The following CEP350 variants were observed in gnomAD, a reference collection of about 807,000 sequenced individuals.
The protein encoded by CEP350 is centrosome-associated protein 350.
A neutral mutation model predicts 331.8 loss-of-function variants in CEP350; 126 were observed. The ratio of observed to expected loss-of-function variants is 0.38; its 90% CI spans 0.33 to 0.44. The LOEUF (loss-of-function observed/expected upper bound fraction) is 0.44, where lower values mean the gene tolerates loss of function less well. CEP350 is among the 20% of genes least tolerant of loss of function. The pLI, the probability that CEP350 is intolerant of heterozygous loss-of-function variation, is 1.00. For synonymous variants in CEP350, 1,200 were observed against 1,259.5 expected, an observed-to-expected ratio of 0.95 and a Z score of 1.00; for missense variants, 3,406 against 3,634.6, an observed-to-expected ratio of 0.94 and a Z score of 1.62.
At chr1:180,109,915 G>A (rs892197460) in intron 37 of CEP350, among the ~76,000 whole-genome samples, 12 of 152,022 alleles carry the variant, frequency 7.9e-5, no homozygotes, top group African/African-American at 2.4e-4. Context: ...GATTACAGGC[G>A]TGAGCCACCG....
intron 8 of CEP350, among the ~76,000 whole-genome samples, chr1:180,010,404 C>CTTTTTTTTTTTTTTTTTTT (rs60408983): frequency 8.3e-6 from 1 of 119,812 alleles, no homozygotes. Flanking sequence ...CCCATGTTTG[C>CTTTTTTTTTTTTTTTTTTT]TTTTTTTTTT....
At position 180,011,877 on chromosome 1, in the gene CEP350, C is replaced by T. The variant is rs1240735843; in HGVS notation, c.1247-52C>T. The T allele has an allele frequency of 1.0e-5, 13 of 1,268,164 alleles. No homozygotes were observed. The East Asian group carries it at 2.5e-4, about 24-fold the overall frequency. The allele number at this position is 1,268,164 out of a possible 1,614,324, so 78.6% of individuals were successfully genotyped here. A position where few individuals can be genotyped will look rare whatever the true frequency, so the allele number is the denominator to read the frequency against. ...AAACCTGTATGGTTGAGTAGATACA[C>T]TTCTTACAATTAAAATTTAAGTTTT... On this transcript the variant is annotated intron_variant, in intron 8 of 37. Coordinates refer to ENST00000367607, the MANE Select transcript of CEP350 (RefSeq NM_014810.5).
chr1:180,060,897 G>T (rs886387170), intron 25 of CEP350, among the ~76,000 whole-genome samples: 3 of 151,858 alleles, frequency 2.0e-5, no homozygotes, highest in African/African-American at 7.3e-5. Flanking sequence ...AATTTAAAAA[G>T]AATGTGCTGG....
At chr1:179,967,585 T>G (rs1250461415) in intron 1 of CEP350, among the ~76,000 whole-genome samples, 1 of 152,106 alleles carries the variant, frequency 6.6e-6, no homozygotes, top group African/African-American at 2.4e-5. Context: ...CCAATTTTTG[T>G]ATTTTTAATA....
rs1194542758 is a variant in CEP350 at position 180,011,968 on chromosome 1, G to A, written c.1286G>A (p.Gly429Glu). 6.2e-7 allele frequency: 1 copy of A among 1,601,810 alleles called. No individual in the cohort carries two copies. The highest frequency in any genetic ancestry group is 8.5e-7 in the Non-Finnish European group (1 of 1,173,240). ...HLISTSSWRD[G>E]QKLVKKILGP... is the part of the protein sequence containing the mutation. ...ATAAGTACATCTTCTTGGCGAGATG[G>A]ACAAAAATTAGTAAAGAAGATTCTG... is the stretch of plus-strand genomic sequence containing the variant. The change falls in exon 9 of 38, where the codon GGA becomes GAA. Residue 429 changes from glycine (G) to glutamate (E), a missense_variant. Gly to Glu is a moderately conservative substitution (Grantham distance 98). This residue lies in a region of CEP350 where 1,857 missense variants were observed against 1,909.2 expected (regional missense o/e 0.97). Coordinates refer to ENST00000367607, the MANE Select transcript of CEP350 (RefSeq NM_014810.5).
At chr1:180,101,275 C>T (rs1362922613) in intron 37 of CEP350, among the ~76,000 whole-genome samples, 1 of 151,396 alleles carries the variant, frequency 6.6e-6, no homozygotes, top group Non-Finnish European at 1.5e-5. Context: ...TGCATGAGCT[C>T]GTTCTTCTTA....
chr1:180,012,133 T>G, intron 9 of CEP350, 58 bp downstream of exon 9: 2 of 1,419,864 alleles, frequency 1.4e-6, no homozygotes, highest in South Asian at 1.4e-5. Flanking sequence ...ATTAAGTACT[T>G]AGAGAAGGAA....
chr1:180,043,329 G>A (rs561178286), intron 20 of CEP350, 137 bp downstream of exon 20: 2 of 1,032,760 alleles, frequency 1.9e-6, no homozygotes, highest in South Asian at 1.9e-5. Flanking sequence ...AGTCTAGTAG[G>A]GAAGATAAAC....
rs138951782 is a variant in CEP350 at position 180,108,193 on chromosome 1, T to TGG, written c.9190-2800_9190-2799dup. Among the ~76,000 whole-genome samples, 1,379 of 152,136 alleles carry TGG rather than the reference T, an allele frequency of 9.1e-3. 19 individuals are homozygous for TGG. Among genetic ancestry groups the TGG allele is most frequent in the African/African-American group, 0.03 (1,257 of 41,480 alleles). ...CCAACACCGAAATCTTACATTTCAGTGGGGGCTGCATTGAGGTTACACCGA... is the reference window on the plus strand; with the variant it reads ...CCAACACCGAAATCTTACATTTCAGTGGGGGGGCTGCATTGAGGTTACACCGA... On this transcript the variant is annotated intron_variant, in intron 37 of 37. Transcript: ENST00000367607.
In CEP350 at chr1:180,037,085, TA is replaced by T; in HGVS notation, c.4109del (p.Lys1370ArgfsTer14). 6.4e-7 allele frequency: 1 copy of T among 1,567,030 alleles called. No individual in the cohort carries two copies. The highest frequency in any genetic ancestry group is 8.6e-7 in the Non-Finnish European group (1 of 1,162,630). On this transcript the variant is annotated frameshift_variant, in exon 17 of 38. Coordinates refer to ENST00000367607, the MANE Select transcript of CEP350 (RefSeq NM_014810.5). LOFTEE classifies it high-confidence loss of function. ...GAGAGTGTGTCTCTAGCTCAGATAA[TA>T]AAGGTATTTTTGGAGTTTTTTAGCT... ...QQESVSLAQI[I>X]KAQQQRHERD...
rs756668579 is a variant in CEP350 at position 180,006,520 on chromosome 1, G to A, written c.1199G>A (p.Arg400Gln). 3.3e-5 allele frequency: 52 copies of A among 1,555,442 alleles called. No homozygotes were observed. The highest frequency in any genetic ancestry group is 9.6e-5 in the African/African-American group (7 of 73,206). The stretch of plus-strand genomic sequence containing the variant: ...GAGAAGAAAGTAGTCAAGCCAGTAC[G>A]AAAAGTCCAAAAAGTAGCACAGTTA... The part of the protein sequence containing the change: ...SKEKKVVKPV[R>Q]KVQKVAQLSS... Residue 400 changes from arginine (R) to glutamine (Q), a missense_variant, in exon 8 of 38, where the codon CGA (arginine) becomes CAA (glutamine). Physicochemically the swap from Arg to Gln is conservative, Grantham distance 43 (BLOSUM62 1). Coordinates refer to ENST00000367607, the MANE Select transcript of CEP350 (RefSeq NM_014810.5).
At chr1:180,095,494 G>A (rs749835032) in intron 34 of CEP350, 29 bp from the exon 35 acceptor site, 3 of 1,579,084 alleles carry the variant, frequency 1.9e-6, no homozygotes, top group East Asian at 4.5e-5. Flanking sequence ...CCTAAATGGT[G>A]CTCTGTTTGA....
chr1:179,963,697 A>G (rs1017534736), intron 1 of CEP350, among the ~76,000 whole-genome samples: 2 of 151,856 alleles, frequency 1.3e-5, no homozygotes, highest in African/African-American at 4.8e-5. Flanking sequence ...ATTGATACAG[A>G]TGTCTGTTTT....
At chr1:179,982,119 G>C (rs983865704) in intron 1 of CEP350, among the ~76,000 whole-genome samples, 4 of 152,178 alleles carry the variant, frequency 2.6e-5, no homozygotes, top group Non-Finnish European at 5.9e-5. Context: ...AGTTGATAAA[G>C]TCTCTTAAAC....
intron 22 of CEP350, among the ~76,000 whole-genome samples, chr1:180,050,909 C>T (rs910542580): frequency 5.3e-5 from 8 of 152,010 alleles, no homozygotes; most frequent in African/African-American, 1.9e-4. Flanking sequence ...AAATTGGTAA[C>T]AAGGATGCAG....
intron 37 of CEP350, among the ~76,000 whole-genome samples, chr1:180,103,815 T>G (rs6660984): frequency 0.71 from 107,729 of 151,572 alleles, 39,587 homozygotes; most frequent in Admixed American, 0.8. Context: ...CCTCCCTTAG[T>G]TAGTCATAGC....
rs548740349 is a variant in CEP350 at position 180,078,684 on chromosome 1, T to C, written c.5979+10T>C. The C allele has an allele frequency of 8.2e-6, 13 of 1,576,816 alleles. No individual in the cohort carries two copies. The East Asian group carries it at 2.3e-4, about 28-fold the overall frequency. ...CTCTCCTAGTAAACATGTAAGTTAATGTATATTTATATCTTAAAGATTCTC... is the reference window on the plus strand; with the variant it reads ...CTCTCCTAGTAAACATGTAAGTTAACGTATATTTATATCTTAAAGATTCTC... On this transcript the variant is annotated intron_variant, in intron 29 of 37. Coordinates refer to ENST00000367607, the MANE Select transcript of CEP350 (RefSeq NM_014810.5).
chr1:180,099,087 T>C, intron 37 of CEP350, 102 bp downstream of exon 37: 1 of 1,200,250 alleles, frequency 8.3e-7, no homozygotes, highest in South Asian at 2.1e-5. Context: ...TTCTTAAATC[T>C]ATGGTATTAA....
At chr1:179,982,457 T>G (rs896608549) in intron 1 of CEP350, among the ~76,000 whole-genome samples, 13 of 152,224 alleles carry the variant, frequency 8.5e-5, no homozygotes, top group Non-Finnish European at 1.5e-4. Flanking sequence ...ATTTAGTAAT[T>G]TATATTAAAG....
Sources: gnomAD v4.1 joint callset for allele counts (sites outside exome capture counted in the v4.1 genomes callset) on GRCh38, gnomAD v4.1.1 for gene constraint, gnomAD v4.1.1 regional missense constraint, MANE v1.5 for transcripts, NCBI Gene and HGNC (gene_info 2026-07-23, HGNC 2026-07-21) for gene names.